Variants in NREP observed in about 807,000 individuals in gnomAD.
NREP encodes neuronal regeneration related protein, also known as neuronal regeneration-related protein.
Under a neutral mutation model 8.6 loss-of-function variants are expected in NREP, and 5 were observed. The observed-to-expected ratio is 0.58, with a 90% CI of 0.30 to 1.22. NREP has a LOEUF of 1.22. Ranked by LOEUF, NREP falls within the 50% of genes most tolerant of loss-of-function variation. NREP has a pLI of 0.07. For missense variants in NREP, 86 were observed against 82.5 expected (o/e 1.04, Z -0.17); for synonymous variants, 27 against 28.0 (o/e 0.96, Z 0.11).
At chr5:111,787,467 G>C (rs1437779571) in intron 2 of NREP, among the ~76,000 whole-genome samples, 2 of 152,068 alleles carry the variant, frequency 1.3e-5, no homozygotes, top group South Asian at 4.2e-4. Flanking sequence ...GCAAGCCCAT[G>C]ATAGAGTTGG....
At chr5:111,964,971 C>A (rs993917552) in intron 2 of NREP, among the ~76,000 whole-genome samples, 13 of 146,610 alleles carry the variant, frequency 8.9e-5, no homozygotes, top group African/African-American at 3.0e-4. Flanking sequence ...GAAGTCCAGA[C>A]GTAAGGAAAA....
At chr5:111,792,941 T>C (rs1751785552) in intron 2 of NREP, among the ~76,000 whole-genome samples, 1 of 152,148 alleles carries the variant, frequency 6.6e-6, no homozygotes, top group East Asian at 1.9e-4. Context: ...TGGAACTTTG[T>C]TATTTCTAGT....
intron 2 of NREP, among the ~76,000 whole-genome samples, chr5:111,819,823 C>CT (rs1195466906): frequency 2.0e-5 from 3 of 152,152 alleles, no homozygotes; most frequent in Admixed American, 6.5e-5. Context: ...ACATTGTGGC[C>CT]TTCTTGCACT....
chr5:111,807,994 T>A (rs1367725432), intron 2 of NREP, among the ~76,000 whole-genome samples: 1 of 152,182 alleles, frequency 6.6e-6, no homozygotes, highest in African/African-American at 2.4e-5. Flanking sequence ...AGGTTTTCCT[T>A]TCTGTGGGGG....
intron 2 of NREP, among the ~76,000 whole-genome samples, chr5:111,862,134 C>T (rs1753556666): frequency 6.6e-6 from 1 of 152,140 alleles, no homozygotes; most frequent in African/African-American, 2.4e-5. Flanking sequence ...GGAGTAGATT[C>T]ACTTGGCAAT....
intron 2 of NREP, among the ~76,000 whole-genome samples, chr5:111,797,069 A>T (rs1433437513): frequency 6.8e-6 from 1 of 145,996 alleles, no homozygotes; most frequent in East Asian, 2.0e-4. Flanking sequence ...ACTAAGATAG[A>T]TAGATAGATA....
intron 2 of NREP, among the ~76,000 whole-genome samples, chr5:111,924,333 T>G (rs1014497367): frequency 6.6e-6 from 1 of 152,144 alleles, no homozygotes; most frequent in African/African-American, 2.4e-5. Context: ...TAGACGGTGT[T>G]TGTCCATACA....
intron 2 of NREP, among the ~76,000 whole-genome samples, chr5:111,813,506 C>A (rs1008486700): frequency 6.6e-6 from 1 of 152,024 alleles, no homozygotes; most frequent in Admixed American, 6.6e-5. Context: ...TCCAACATGT[C>A]TTTTCCATTT....
chr5:111,877,120 G>A (rs1337374539), intron 2 of NREP, among the ~76,000 whole-genome samples: 1 of 152,112 alleles, frequency 6.6e-6, no homozygotes, highest in South Asian at 2.1e-4. Context: ...AACCTAACAA[G>A]TTACCTAAGC....
At chr5:111,930,058 G>T (rs1210437802) in intron 2 of NREP, among the ~76,000 whole-genome samples, 1 of 152,178 alleles carries the variant, frequency 6.6e-6, no homozygotes, top group East Asian at 1.9e-4. Context: ...CTAGACTTGG[G>T]GTGAGCAATG....
chr5:111,877,552 C>A (rs1312970044), intron 2 of NREP, among the ~76,000 whole-genome samples: 1 of 152,114 alleles, frequency 6.6e-6, no homozygotes, highest in South Asian at 2.1e-4. Context: ...GCTTTTGTAA[C>A]CATGTGACAG....
At position 111,945,723 on chromosome 5, in the gene NREP, C is replaced by T. The variant is rs78031642; in HGVS notation, c.135+29551G>A. Among the ~76,000 whole-genome samples, 7 of 151,952 alleles carry T rather than the reference C, an allele frequency of 4.6e-5. No homozygotes were observed. In the East Asian group the frequency reaches 1.4e-3, roughly 30 times the overall value. ...TAGGATAGTTGGATCCAGGGTCTTA[C>T]ATGATATCATTAGGACACTATGTCT... On this transcript the variant is annotated intron_variant, in intron 2 of 3. Transcript: ENST00000395634.
chr5:111,962,135 A>C (rs1323403089), intron 2 of NREP, among the ~76,000 whole-genome samples: 1 of 152,206 alleles, frequency 6.6e-6, no homozygotes, highest in Admixed American at 6.5e-5. Flanking sequence ...GTTCAGTTCC[A>C]GTACCATGGC....
chr5:111,779,243 G>C (rs2112881269), intron 2 of NREP, among the ~76,000 whole-genome samples: 1 of 152,262 alleles, frequency 6.6e-6, no homozygotes, highest in East Asian at 1.9e-4. Context: ...CAGAAAGCAA[G>C]GGGTGCATCC....
chr5:111,756,729 AAG>A (rs1750737041), intron 1 of NREP, among the ~76,000 whole-genome samples: 1 of 152,184 alleles, frequency 6.6e-6, no homozygotes, highest in Admixed American at 6.5e-5. Context: ...AATCAAGTGT[AAG>A]GGCGGAGGGA....
At chr5:111,936,721 A>G (rs916051203) in intron 2 of NREP, among the ~76,000 whole-genome samples, 2 of 152,144 alleles carry the variant, frequency 1.3e-5, no homozygotes, top group African/African-American at 2.4e-5. Context: ...GATTCCCTAC[A>G]GAGAGAACAG....
intron 2 of NREP, among the ~76,000 whole-genome samples, chr5:111,763,147 C>T (rs1223288916): frequency 1.3e-5 from 2 of 152,216 alleles, no homozygotes; most frequent in African/African-American, 4.8e-5. Flanking sequence ...AGATTCTCCC[C>T]TTCATCACTG....
intron 2 of NREP, among the ~76,000 whole-genome samples, chr5:111,896,929 A>G (rs371929414): frequency 6.6e-6 from 1 of 152,160 alleles, no homozygotes; most frequent in African/African-American, 2.4e-5. Flanking sequence ...GGAACCCTCA[A>G]TTAAATACCA....
upstream of NREP, among the ~76,000 whole-genome samples, chr5:111,762,693 C>A (rs1750988512): frequency 6.6e-6 from 1 of 152,146 alleles, no homozygotes; most frequent in South Asian, 2.1e-4. Flanking sequence ...AAACAAACCC[C>A]AGTGACACCT....
Sources: gnomAD v4.1 joint callset for allele counts (sites outside exome capture counted in the v4.1 genomes callset) on GRCh38, gnomAD v4.1.1 for gene constraint, MANE v1.5 for transcripts, NCBI Gene and HGNC (gene_info 2026-07-23, HGNC 2026-07-21) for gene names.